The following DLG2 variants were observed in gnomAD, a reference collection of about 807,000 sequenced individuals.
DLG2 encodes the protein discs large MAGUK scaffold protein 2.
In DLG2, 45 loss-of-function variants were observed where a neutral mutation model predicts 132.5. The ratio of observed to expected loss-of-function variants is 0.34; its 90% CI spans 0.27 to 0.44. The LOEUF is 0.44. DLG2 is among the 20% of genes least tolerant of loss of function. The pLI is 1.00. For missense variants in DLG2, 1,045 were observed against 1,196.9 expected (o/e 0.87, Z 1.87); for synonymous variants, 424 against 419.6 (o/e 1.01, Z -0.13).
At chr11:84,924,095 G>A (rs1046283588) in intron 6 of DLG2, among the ~76,000 whole-genome samples, 9 of 151,176 alleles carry the variant, frequency 6.0e-5, no homozygotes, top group African/African-American at 2.2e-4. Context: ...CTATAAGTCC[G>A]TAAGGAAAAA....
At chr11:84,658,291 C>T (rs1419146934) in intron 6 of DLG2, among the ~76,000 whole-genome samples, 1 of 152,090 alleles carries the variant, frequency 6.6e-6, no homozygotes, top group African/African-American at 2.4e-5. Flanking sequence ...CAGAATCCTT[C>T]TTTCTAGGTT....
intron 2 of DLG2, among the ~76,000 whole-genome samples, chr11:85,622,082 A>T (rs1485918479): frequency 6.6e-6 from 1 of 152,224 alleles, no homozygotes; most frequent in Non-Finnish European, 1.5e-5. Context: ...ACGAAGCAAG[A>T]TCTTCCACCA....
At chr11:85,191,168 A>T (rs919340327) in intron 4 of DLG2, among the ~76,000 whole-genome samples, 1 of 143,384 alleles carries the variant, frequency 7.0e-6, no homozygotes, top group Non-Finnish European at 1.5e-5. Flanking sequence ...GCGCGCACAC[A>T]CACACACACA....
intron 6 of DLG2, among the ~76,000 whole-genome samples, chr11:84,873,389 T>C (rs550758413): frequency 1.3e-5 from 2 of 152,336 alleles, no homozygotes; most frequent in East Asian, 3.9e-4. Flanking sequence ...GCTGGCACCT[T>C]GATTTTATAC....
At chr11:85,433,889 T>C (rs998198194) in intron 3 of DLG2, among the ~76,000 whole-genome samples, 3 of 152,148 alleles carry the variant, frequency 2.0e-5, no homozygotes, top group Non-Finnish European at 4.4e-5. Flanking sequence ...CACATGGCAT[T>C]TACTGTAAAA....
chr11:83,777,997 G>A (rs2094655942), intron 18 of DLG2, among the ~76,000 whole-genome samples: 1 of 152,136 alleles, frequency 6.6e-6, no homozygotes, highest in Non-Finnish European at 1.5e-5. Context: ...CAATAAAGTT[G>A]CAGAGTGAGG....
Position 84,897,097 on chromosome 11 carries a change from A to G in DLG2, c.357+214564T>C, listed in dbSNP as rs559108064. On this transcript the variant is annotated intron_variant, in intron 6 of 27. Transcript: ENST00000376104. Reference sequence around the variant, plus strand: ...ATCAAATCACACTCCTTCACCCCACAATATTTTTTGTTAATCATTCCTTTG... The same window carrying G: ...ATCAAATCACACTCCTTCACCCCACGATATTTTTTGTTAATCATTCCTTTG... 1.4e-4 allele frequency among the ~76,000 whole-genome samples: 21 copies of G among 151,732 alleles called. 1 individual carries two copies. Among genetic ancestry groups the G allele is most frequent in the Non-Finnish European group, 2.1e-4 (14 of 67,806 alleles).
chr11:84,191,071 G>T (rs1482054552), intron 8 of DLG2, among the ~76,000 whole-genome samples: 1 of 152,154 alleles, frequency 6.6e-6, no homozygotes, highest in Non-Finnish European at 1.5e-5. Context: ...TTGCAGTTTG[G>T]TTTGTGGTGT....
chr11:85,544,346 T>C (rs961630511), intron 3 of DLG2, among the ~76,000 whole-genome samples: 6 of 152,136 alleles, frequency 3.9e-5, no homozygotes, highest in Non-Finnish European at 7.3e-5. Context: ...GTTCCATTGG[T>C]TTATATATCT....
chr11:83,591,698 A>G (rs2097189856), intron 19 of DLG2, among the ~76,000 whole-genome samples: 1 of 150,990 alleles, frequency 6.6e-6, no homozygotes. Context: ...GAGGAAGTCA[A>G]ATTGTCCCTG....
intron 7 of DLG2, among the ~76,000 whole-genome samples, chr11:84,457,603 C>T (rs1007249384): frequency 2.7e-5 from 4 of 150,902 alleles, no homozygotes; most frequent in African/African-American, 7.3e-5. Context: ...TATGCCAAGA[C>T]TCATATTTCT....
At chr11:84,743,632 C>T (rs2064975846) in intron 6 of DLG2, among the ~76,000 whole-genome samples, 4 of 152,166 alleles carry the variant, frequency 2.6e-5, no homozygotes, top group East Asian at 3.9e-4. Context: ...TTAATATATA[C>T]ATTGGGGTCT....
chr11:83,515,023 A>C (rs1268130884), intron 21 of DLG2, among the ~76,000 whole-genome samples: 1 of 152,152 alleles, frequency 6.6e-6, no homozygotes, highest in Non-Finnish European at 1.5e-5. Context: ...CTTTGGTATC[A>C]GGATGATGCT....
chr11:85,309,539 A>C (rs1422938272), intron 3 of DLG2, among the ~76,000 whole-genome samples: 1 of 152,180 alleles, frequency 6.6e-6, no homozygotes, highest in Non-Finnish European at 1.5e-5. Flanking sequence ...ATTGTTACTA[A>C]GAAAAGATTC....
intron 18 of DLG2, among the ~76,000 whole-genome samples, chr11:83,689,953 AT>A (rs939759230): frequency 7.3e-5 from 10 of 136,646 alleles, no homozygotes; most frequent in African/African-American, 2.5e-4. Context: ...TATTATATAT[AT>A]TTATATAATA....
intron 3 of DLG2, among the ~76,000 whole-genome samples, chr11:85,339,788 A>G (rs1034684499): frequency 1.3e-5 from 2 of 152,226 alleles, no homozygotes; most frequent in Admixed American, 6.5e-5. Context: ...AAACAAATTT[A>G]CAAGGAAAAA....
chr11:85,262,060 A>T (rs980713102), intron 4 of DLG2, among the ~76,000 whole-genome samples: 3 of 152,170 alleles, frequency 2.0e-5, no homozygotes, highest in Non-Finnish European at 2.9e-5. Flanking sequence ...TTTGGCAGAG[A>T]TCGCAATCCT....
chr11:84,926,389 A>G (rs1468830726), intron 6 of DLG2, among the ~76,000 whole-genome samples: 2 of 152,022 alleles, frequency 1.3e-5, no homozygotes, highest in African/African-American at 2.4e-5. Context: ...TATCTAAAAT[A>G]TCCATCAGTA....
chr11:84,876,484 G>A (rs531251459), intron 6 of DLG2, among the ~76,000 whole-genome samples: 3 of 152,264 alleles, frequency 2.0e-5, no homozygotes, highest in African/African-American at 7.2e-5. Flanking sequence ...GGTGTTTATA[G>A]TATTCTCTGA....
Sources: gnomAD v4.1 joint callset for allele counts (sites outside exome capture counted in the v4.1 genomes callset) on GRCh38, gnomAD v4.1.1 for gene constraint, MANE v1.5 for transcripts, NCBI Gene and HGNC (gene_info 2026-07-23, HGNC 2026-07-21) for gene names.